Variants in C9orf72 observed in about 807,000 individuals in gnomAD.
C9orf72 encodes the protein guanine nucleotide exchange factor C9orf72.
A neutral mutation model predicts 51.6 loss-of-function variants in C9orf72; 44 were observed. The ratio of observed to expected loss-of-function variants is 0.85; its 90% CI spans 0.67 to 1.10. The LOEUF (loss-of-function observed/expected upper bound fraction) is 1.10. C9orf72 is among the 50% of genes least tolerant of loss of function. The pLI is 0.00. For synonymous variants in C9orf72, 213 were observed against 194.2 expected, an observed-to-expected ratio of 1.10 and a Z score of -0.81; for missense variants, 607 against 570.6, an observed-to-expected ratio of 1.06 and a Z score of -0.65.
At position 27,548,160 on chromosome 9, in the gene C9orf72, G is replaced by A. The variant is rs1820808673; in HGVS notation, c.*76C>T. 2 of 1,110,580 alleles carry A rather than the reference G, an allele frequency of 1.8e-6. No individual in the cohort carries two copies. Among genetic ancestry groups the A allele is most frequent in the Non-Finnish European group, 2.6e-6 (2 of 775,754 alleles). 68.8% of individuals were successfully genotyped at this position (1,110,580 alleles called of 1,614,324 possible). On this transcript the variant is annotated 3_prime_UTR_variant, in exon 11 of 11. Coordinates refer to ENST00000380003, the MANE Select transcript of C9orf72 (RefSeq NM_018325.5). The stretch of plus-strand genomic sequence containing the variant: ...CAGAATTCTGGAGTATGATCCAGGG[G>A]AACGTTTCCCCACACCACTGAGCTA...
At chr9:27,553,003 T>A (rs1043388666) in intron 8 of C9orf72, among the ~76,000 whole-genome samples, 1 of 152,180 alleles carries the variant, frequency 6.6e-6, no homozygotes, top group Non-Finnish European at 1.5e-5. Flanking sequence ...TTCCTCCTCC[T>A]CAATTTTTTG....
At chr9:27,568,086 C>CAAAAAAAAAAAAAAAAAAAAA (rs11418499) in intron 1 of C9orf72, among the ~76,000 whole-genome samples, 1 of 80,610 alleles carries the variant, frequency 1.2e-5, no homozygotes, top group Non-Finnish European at 2.3e-5. Context: ...GCTAAAAGGT[C>CAAAAAAAAAAAAAAAAAAAAA]AAAAAAAAAA....
Position 27,566,886 on chromosome 9 carries a change from C to T in C9orf72, c.235G>A (p.Ala79Thr). Residue 79 changes from alanine to threonine, a missense_variant, in exon 2 of 11, where the codon GCT becomes ACT. Transcript: ENST00000380003. The stretch of plus-strand genomic sequence containing the variant: ...AAGACAAAAAACTTTACATCTATAG[C>T]ACCACTCTCTGCATTTCGAAGGATT... Reference protein sequence around the residue: ...GEILRNAESGAIDVKFFVLSE... With the variant: ...GEILRNAESGTIDVKFFVLSE... 1 of 1,613,894 alleles carries T rather than the reference C, an allele frequency of 6.2e-7. No individual in the cohort carries two copies. Among genetic ancestry groups the T allele is most frequent in the East Asian group, 2.2e-5 (1 of 44,878 alleles).
At chr9:27,571,451 A>C (rs1355065845) in intron 1 of C9orf72, among the ~76,000 whole-genome samples, 1 of 152,072 alleles carries the variant, frequency 6.6e-6, no homozygotes, top group African/African-American at 2.4e-5. Flanking sequence ...TACAATCATA[A>C]AGCCCTCACT....
At position 27,548,653 on chromosome 9, in the gene C9orf72, T is replaced by C. The variant is rs1165341919; in HGVS notation, c.1163A>G (p.Lys388Arg). ...AGTACTTCTGAGAGATAAGCCAGGT[T>C]TCAGCTGAAAGACCTGCAGGGAGAG... ...KAFLDQVFQL[K>R]PGLSLRSTFL... Residue 388 changes from lysine to arginine, a missense_variant, in exon 10 of 11, where the codon AAA becomes AGA. By Grantham distance (26) the Lys-to-Arg change is conservative (BLOSUM62 2). Coordinates refer to ENST00000380003, the MANE Select transcript of C9orf72 (RefSeq NM_018325.5). 3 of 1,606,406 alleles carry C rather than the reference T, an allele frequency of 1.9e-6. No homozygotes were observed. In the African/African-American group the frequency reaches 4.0e-5, roughly 21 times the overall value.
intron 6 of C9orf72, 129 bp downstream of exon 6, chr9:27,560,098 T>G (rs1819302422): frequency 2.0e-6 from 1 of 489,318 alleles, no homozygotes; most frequent in Admixed American, 4.0e-5. Context: ...CTTAGCAATT[T>G]GATGAGATTA....
chr9:27,564,492 T>C (rs140685561), intron 3 of C9orf72, among the ~76,000 whole-genome samples: 60 of 152,262 alleles, frequency 3.9e-4, no homozygotes, highest in African/African-American at 1.4e-3. Flanking sequence ...CTGGGGACCC[T>C]GCTTATTGAC....
chr9:27,548,194 G>C lies in C9orf72; in HGVS notation c.*42C>G. ...CCCACACCACTGAGCTACTTTACCAGCGATCATGATTGTGATGGAATAGGC... is the reference window on the plus strand; with the variant it reads ...CCCACACCACTGAGCTACTTTACCACCGATCATGATTGTGATGGAATAGGC... On this transcript the variant is annotated 3_prime_UTR_variant, in exon 11 of 11. Transcript: ENST00000380003. The C allele has an allele frequency of 1.3e-6, 2 of 1,483,570 alleles. No individual in the cohort carries two copies. The highest frequency in any genetic ancestry group is 1.8e-6 in the Non-Finnish European group (2 of 1,082,172). 91.9% of individuals were successfully genotyped at this position (1,483,570 alleles called of 1,614,324 possible).
chr9:27,550,843 G>A (rs1289428452), intron 8 of C9orf72, 136 bp from the exon 9 acceptor site: 9 of 496,070 alleles, frequency 1.8e-5, no homozygotes, highest in African/African-American at 1.6e-4. Context: ...AAACACATTT[G>A]TAAGAATATA....
intron 8 of C9orf72, among the ~76,000 whole-genome samples, chr9:27,556,057 A>ATTT (rs1166676962): frequency 3.8e-4 from 57 of 151,548 alleles, no homozygotes; most frequent in African/African-American, 1.4e-3. Flanking sequence ...TTTTTTTTTA[A>ATTT]AAAAAAATAA....
intron 1 of C9orf72, among the ~76,000 whole-genome samples, chr9:27,572,647 A>G (rs1819612448): frequency 6.6e-6 from 1 of 152,136 alleles, no homozygotes; most frequent in Non-Finnish European, 1.5e-5. Flanking sequence ...CCCTCCTGGG[A>G]AAGTGCAGGA....
intron 7 of C9orf72, among the ~76,000 whole-genome samples, chr9:27,557,404 G>GA (rs1346352561): frequency 6.6e-6 from 1 of 152,090 alleles, no homozygotes; most frequent in African/African-American, 2.4e-5. Flanking sequence ...CAGAACAGAA[G>GA]AAAGAGGCTA....
intron 3 of C9orf72, among the ~76,000 whole-genome samples, chr9:27,562,976 C>A (rs1406219567): frequency 6.6e-6 from 1 of 151,982 alleles, no homozygotes; most frequent in Non-Finnish European, 1.5e-5. Flanking sequence ...CTGTTACATG[C>A]AATGATTAAG....
At chr9:27,550,287 A>G (rs943600548) in intron 9 of C9orf72, among the ~76,000 whole-genome samples, 1 of 151,692 alleles carries the variant, frequency 6.6e-6, no homozygotes, top group South Asian at 2.1e-4. Context: ...GCTAAGTCAG[A>G]TTTCACTTTG....
intron 1 of C9orf72, among the ~76,000 whole-genome samples, chr9:27,569,836 T>G (rs1352316470): frequency 6.6e-6 from 1 of 152,228 alleles, no homozygotes; most frequent in East Asian, 1.9e-4. Context: ...GCCATATGAT[T>G]GCTTTGGGAG....
intron 1 of C9orf72, chr9:27,571,389 C>G (rs1819583017): frequency 6.6e-6 from 1 of 152,194 alleles, no homozygotes; most frequent in Admixed American, 6.5e-5. Flanking sequence ...CATCTCTTCC[C>G]TGATTGGTAT....
rs575487786 is a variant in C9orf72 at position 27,566,915 on chromosome 9, C to T, written c.206G>A (p.Gly69Glu). 2 of 1,614,018 alleles carry T rather than the reference C, an allele frequency of 1.2e-6. No individual in the cohort carries two copies. The highest frequency in any genetic ancestry group is 1.7e-5 in the Admixed American group (1 of 60,004). ...ACTCTCTGCATTTCGAAGGATTTCT[C>T]CATTTAGAGTGTGGTTGGCAAGAAA... ...ITFLANHTLNGEILRNAESGA... is the reference protein window; with the variant it reads ...ITFLANHTLNEEILRNAESGA... Residue 69 changes from glycine (G) to glutamate (E), a missense_variant, in exon 2 of 11, where the codon GGA (glycine) becomes GAA (glutamate). Gly to Glu is a moderately conservative substitution (Grantham distance 98). Coordinates refer to ENST00000380003, the MANE Select transcript of C9orf72 (RefSeq NM_018325.5).
rs770940625 is a variant in C9orf72 at position 27,556,801 on chromosome 9, C to G, written c.856-5G>C. ...CACAAAGCTTCCAGTTGAATCCTGT[C>G]AAAATAAAAGGAAAATTTACTGTCT... On this transcript the variant is annotated splice_polypyrimidine_tract_variant and splice_region_variant and intron_variant, in intron 7 of 10. Transcript: ENST00000380003. 1 of 1,596,308 alleles carries G rather than the reference C, an allele frequency of 6.3e-7. No individual in the cohort carries two copies. The highest frequency in any genetic ancestry group is 1.1e-5 in the South Asian group (1 of 90,542).
chr9:27,559,224 G>A (rs1819280189), intron 6 of C9orf72: 2 of 149,346 alleles, frequency 1.3e-5, no homozygotes, highest in African/African-American at 4.9e-5. Context: ...AAGATAAAAG[G>A]TAAGCTATTC....
Sources: gnomAD v4.1 joint callset for allele counts (sites outside exome capture counted in the v4.1 genomes callset) on GRCh38, gnomAD v4.1.1 for gene constraint, MANE v1.5 for transcripts, NCBI Gene and HGNC (gene_info 2026-07-23, HGNC 2026-07-21) for gene names.